DDX1: variants seen among roughly 807,000 people sequenced by gnomAD.
DDX1 encodes the protein ATP-dependent RNA helicase DDX1.
DDX1 carries 28 observed loss-of-function variants against 108.7 expected under a neutral mutation model. The observed-to-expected ratio is 0.26, with a 90% confidence interval of 0.19 to 0.35. The LOEUF (loss-of-function observed/expected upper bound fraction) is 0.35. Ranked by LOEUF, DDX1 falls within the 10% of genes least tolerant of loss-of-function variation. The pLI is 1.00. For synonymous variants in DDX1, 295 were observed against 288.9 expected (o/e 1.02, Z -0.21); for missense variants, 710 against 884.5 (o/e 0.80, Z 2.50).
intron 13 of DDX1, among the ~76,000 whole-genome samples, chr2:15,612,877 C>T (rs1483525028): frequency 1.3e-5 from 2 of 151,728 alleles, no homozygotes; most frequent in African/African-American, 2.4e-5. Flanking sequence ...CGTGGTGGCG[C>T]GTGCCTGCAA....
Position 15,606,230 on chromosome 2 carries a change from A to G in DDX1, c.783A>G (p.Ala261=), listed in dbSNP as rs758318920. The G allele has an allele frequency of 1.0e-4, 163 of 1,613,926 alleles. No homozygotes were observed. The Admixed American group carries it at 2.6e-3, about 26-fold the overall frequency. ...ATGGCTTTGTTGCTCTTTCCAAGGC[A>G]CCGGATGGTTACATTGTCAAATCAC... ...PKDGFVALSK[A]PDGYIVKSQH... is the part of the protein sequence containing the mutation. The change falls in exon 12 of 26, where the codon GCA becomes GCG. Residue 261 remains alanine, a synonymous_variant. Transcript: ENST00000233084.
intron 2 of DDX1, 79 bp from the exon 3 acceptor site, chr2:15,595,411 A>T: frequency 8.2e-7 from 1 of 1,215,590 alleles, no homozygotes; most frequent in Non-Finnish European, 1.2e-6. Context: ...ATTTTCTTTT[A>T]GGCAAATTAA....
In DDX1 at chr2:15,606,271, T is replaced by A; in HGVS notation, c.817+7T>A. On this transcript the variant is annotated splice_region_variant and intron_variant, in intron 12 of 25. Coordinates refer to ENST00000233084, the MANE Select transcript of DDX1 (RefSeq NM_004939.3). ...GTCAAATCACAGCACTCAGGTATTA[T>A]ACCTGCAAGGGTAAGGATTTCTAGA... The A allele has an allele frequency of 2.5e-6, 4 of 1,589,772 alleles. No homozygotes were observed. The highest frequency in any genetic ancestry group is 3.5e-6 in the Non-Finnish European group (4 of 1,158,604).
At chr2:15,617,216 A>C (rs758263140) in intron 14 of DDX1, 28 bp from the exon 15 acceptor site, 4 of 1,262,920 alleles carry the variant, frequency 3.2e-6, no homozygotes, top group Non-Finnish European at 4.5e-6. Context: ...TTTAGTTTTC[A>C]TTAAGTGGTT....
intron 6 of DDX1, among the ~76,000 whole-genome samples, chr2:15,600,882 C>G (rs1665580065): frequency 6.6e-6 from 1 of 151,364 alleles, no homozygotes; most frequent in Non-Finnish European, 1.5e-5. Context: ...AGTGAACCAG[C>G]TCCCCAGGAG....
chr2:15,601,519 T>C (rs186778102), intron 6 of DDX1, among the ~76,000 whole-genome samples: 21 of 152,302 alleles, frequency 1.4e-4, no homozygotes, highest in Admixed American at 1.3e-3. Context: ...CGGGGAAATA[T>C]GTTTACTGGT....
intron 13 of DDX1, among the ~76,000 whole-genome samples, chr2:15,608,299 T>C (rs55668395): frequency 0.24 from 36,525 of 152,062 alleles, 5,405 homozygotes; most frequent in African/African-American, 0.42. Flanking sequence ...GGGGCCGAGG[T>C]GGGCGGTCAC....
At chr2:15,607,619 A>G (rs904770293) in intron 13 of DDX1, among the ~76,000 whole-genome samples, 69 of 152,034 alleles carry the variant, frequency 4.5e-4, no homozygotes, top group Non-Finnish European at 3.5e-4. Context: ...CGGGATCTCA[A>G]TCTGTCGCCC....
intron 15 of DDX1, among the ~76,000 whole-genome samples, chr2:15,617,700 CTTTG>C (rs1303343390): frequency 6.6e-6 from 1 of 152,114 alleles, no homozygotes; most frequent in Non-Finnish European, 1.5e-5. Flanking sequence ...AAATAACCAG[CTTTG>C]TTTGTACATA....
At chr2:15,619,427 C>T (rs571575524) in intron 16 of DDX1, among the ~76,000 whole-genome samples, 2 of 152,162 alleles carry the variant, frequency 1.3e-5, no homozygotes, top group South Asian at 2.1e-4. Context: ...CTTGGGGATG[C>T]GGGGCACAGG....
Position 15,606,182 on chromosome 2 carries a change from G to A in DDX1, c.735G>A (p.Glu245=). ...AACTGAAATTTAACTTCGGTGAAGA[G>A]GAATTTAAGTTTCCACCAAAAGATG... ...NAELKFNFGE[E]EFKFPPKDGF... The change falls in exon 12 of 26, where the codon GAG becomes GAA. Residue 245 remains glutamate (E), a synonymous_variant. Transcript: ENST00000233084. 6.2e-7 allele frequency: 1 copy of A among 1,613,998 alleles called. No individual in the cohort carries two copies. Among genetic ancestry groups the A allele is most frequent in the South Asian group, 1.1e-5 (1 of 91,050 alleles).
chr2:15,630,891 G>C lies in DDX1; in HGVS notation c.2208G>C (p.Leu736=). The change falls in exon 26 of 26, where the codon CTG becomes CTC. Residue 736 remains leucine, a synonymous_variant. Transcript: ENST00000233084. ...FLHLGYLPNQ[L]FRTF ...ATCTTGGCTACCTTCCTAACCAGCT[G>C]TTCAGAACCTTCTGATTTTTACATT... The C allele has an allele frequency of 1.2e-6, 2 of 1,613,964 alleles. No individual in the cohort carries two copies. The highest frequency in any genetic ancestry group is 2.2e-5 in the South Asian group (2 of 91,060).
intron 1 of DDX1, among the ~76,000 whole-genome samples, chr2:15,592,929 G>T (rs1468263170): frequency 7.6e-6 from 1 of 131,710 alleles, no homozygotes; most frequent in African/African-American, 2.8e-5. Flanking sequence ...GGGGAGAATG[G>T]GGGGGTGGGG....
chr2:15,595,801 G>C (rs574004668), intron 3 of DDX1, among the ~76,000 whole-genome samples: 2 of 152,162 alleles, frequency 1.3e-5, no homozygotes. Context: ...AAGAGATGCA[G>C]AGTAGTATAG....
At chr2:15,605,861 A>G in intron 10 of DDX1, 89 bp from the exon 11 acceptor site, 1 of 880,556 alleles carries the variant, frequency 1.1e-6, no homozygotes, top group Non-Finnish European at 1.7e-6. Context: ...AGAGGCATGA[A>G]TGCAGGTAAG....
chr2:15,617,777 A>G lies in DDX1; in HGVS notation c.1117-404A>G, dbSNP rs184848644. On this transcript the variant is annotated intron_variant, in intron 15 of 25. Transcript: ENST00000233084. Reference sequence around the variant, plus strand: ...AGATACAAAATGTAGACCATCTGGAAGGACATAAATGTGTTTGAGTCTCTT... The same window carrying G: ...AGATACAAAATGTAGACCATCTGGAGGGACATAAATGTGTTTGAGTCTCTT... Among the ~76,000 whole-genome samples the G allele has an allele frequency of 5.5e-3, 834 of 152,342 alleles. 6 individuals are homozygous for G. The highest frequency in any genetic ancestry group is 5.7e-3 in the Non-Finnish European group (388 of 68,024).
At chr2:15,615,390 G>A (rs1430173271) in intron 14 of DDX1, among the ~76,000 whole-genome samples, 3 of 152,178 alleles carry the variant, frequency 2.0e-5, no homozygotes, top group Non-Finnish European at 4.4e-5. Flanking sequence ...GGAAACTCAC[G>A]TGGTTAGAAT....
chr2:15,593,363 G>A (rs1665449202), intron 1 of DDX1, among the ~76,000 whole-genome samples: 1 of 152,134 alleles, frequency 6.6e-6, no homozygotes, highest in East Asian at 1.9e-4. Context: ...ATCTTTGGGA[G>A]TCATACACAA....
rs10177904 is a variant in DDX1 at position 15,601,273 on chromosome 2, C to A, written c.308-1275C>A. Among the ~76,000 whole-genome samples, 1,267 of 152,168 alleles carry A rather than the reference C, an allele frequency of 8.3e-3. 21 individuals carry two copies. The highest frequency in any genetic ancestry group is 0.029 in the African/African-American group (1,210 of 41,488). ...CACATGTTTGTTTATTCTTGGTTTC[C>A]CATACTTTCCCATTATGGTTTCTTC... is the stretch of plus-strand genomic sequence containing the variant. On this transcript the variant is annotated intron_variant, in intron 6 of 25. Transcript: ENST00000233084.
Sources: allele counts gnomAD v4.1 joint callset (sites outside exome capture counted in the v4.1 genomes callset), GRCh38; gene constraint gnomAD v4.1.1; transcripts MANE v1.5; gene names NCBI Gene and HGNC (gene_info 2026-07-23, HGNC 2026-07-21).